The following GPR139 variants were observed in gnomAD, a reference collection of about 807,000 sequenced individuals.
GPR139 encodes the protein G protein-coupled receptor 139.
In GPR139, 12 loss-of-function variants were observed where a neutral mutation model predicts 25.8. The observed-to-expected ratio is 0.47, with a 90% CI of 0.30 to 0.75. The LOEUF is 0.75. GPR139 is among the 30% of genes least tolerant of loss of function. The pLI is 0.07. For synonymous variants in GPR139, 184 were observed against 179.9 expected (o/e 1.02, Z -0.18); for missense variants, 380 against 450.2 (o/e 0.84, Z 1.41).
rs1050954748 is a variant in GPR139, at chr16:20,073,087, G to A, written c.127+403C>T. Among the ~76,000 whole-genome samples the A allele has an allele frequency of 2.6e-4, 39 of 152,152 alleles. 1 individual carries two copies. Among genetic ancestry groups the A allele is most frequent in the Admixed American group, 2.4e-3 (37 of 15,272 alleles). Reference sequence around the variant, plus strand: ...TGGACGTGCAGGGGCCACGGGAGAAGGGAAGCCTCCACGAAGCCTTCTGTC... The same window carrying A: ...TGGACGTGCAGGGGCCACGGGAGAAAGGAAGCCTCCACGAAGCCTTCTGTC... On this transcript the variant is annotated intron_variant, in intron 1 of 1. Coordinates refer to ENST00000570682, the MANE Select transcript of GPR139 (RefSeq NM_001002911.4). The surrounding 1 kb of genome is among the most constrained non-coding windows in gnomAD (Gnocchi z 4.7).
rs537730436 is a variant in GPR139 at position 20,032,375 on chromosome 16, T to A, written c.422A>T (p.Tyr141Phe). Residue 141 changes from tyrosine (Y) to phenylalanine (F), a missense_variant, in exon 2 of 2, where the codon TAC becomes TTC. By Grantham distance (22) the Tyr-to-Phe change is conservative (BLOSUM62 3). Transcript: ENST00000570682. ...CHPLKYHTVS[Y>F]PARTRKVIVS... is the part of the protein sequence containing the mutation. The stretch of plus-strand genomic sequence containing the variant: ...AATGACTTTCCGGGTGCGGGCTGGG[T>A]ATGAGACCGTGTGGTACTTGAGCGG... 30 of 1,614,114 alleles carry A rather than the reference T, an allele frequency of 1.9e-5. 1 individual carries two copies. The South Asian group carries it at 2.9e-4, about 15-fold the overall frequency.
At position 20,029,486 on chromosome 16, in the gene GPR139, T is replaced by TAA. The variant is rs76533933; in HGVS notation, c.*2248_*2249insTT. Among the ~76,000 whole-genome samples, 203 of 120,398 alleles carry TAA rather than the reference T, an allele frequency of 1.7e-3. 1 individual carries two copies. Among genetic ancestry groups the TAA allele is most frequent in the South Asian group, 0.011 (40 of 3,666 alleles). 79.0% of individuals were successfully genotyped at this position (120,398 alleles called of 152,430 possible). A position where few individuals can be genotyped will look rare whatever the true frequency, so the allele number is the denominator to read the frequency against. On this transcript the variant is annotated 3_prime_UTR_variant, in exon 2 of 2. Transcript: ENST00000570682. The stretch of plus-strand genomic sequence containing the variant: ...CATGTTTAAAAAATAAATAAATAAA[T>TAA]ATATATATATATATATATTCAGTAT...
At chr16:20,042,285 C>A (rs1464105265) in intron 1 of GPR139, among the ~76,000 whole-genome samples, 1 of 152,186 alleles carries the variant, frequency 6.6e-6, no homozygotes, top group Non-Finnish European at 1.5e-5. Flanking sequence ...TTGGCTAGTT[C>A]AGTTCAGCAG....
In GPR139 at chr16:20,030,263, A is replaced by G. The variant is rs1324391748; in HGVS notation, c.*1472T>C. 6.6e-6 allele frequency among the ~76,000 whole-genome samples: 1 copy of G among 152,214 alleles called. No homozygotes were observed. The highest frequency in any genetic ancestry group is 1.5e-5 in the Non-Finnish European group (1 of 68,032). On this transcript the variant is annotated 3_prime_UTR_variant, in exon 2 of 2. Transcript: ENST00000570682. ...TCCAGCCTGAGGAACTAAATATTCCAGGTGGACTGTCTGCCGTTTTTTGGT... is the reference window on the plus strand; with the variant it reads ...TCCAGCCTGAGGAACTAAATATTCCGGGTGGACTGTCTGCCGTTTTTTGGT...
intron 1 of GPR139, among the ~76,000 whole-genome samples, chr16:20,038,369 G>GTGTGTGTGTGTGTGTGTGTGTA (rs4028367): frequency 7.5e-6 from 1 of 133,140 alleles, no homozygotes; most frequent in Admixed American, 7.5e-5. Flanking sequence ...GTGTGTGTGT[G>GTGTGTGTGTGTGTGTGTGTGTA]TATTCTATAG....
chr16:20,072,876 T>A (rs2057464703), intron 1 of GPR139, among the ~76,000 whole-genome samples: 1 of 152,172 alleles, frequency 6.6e-6, no homozygotes, highest in Non-Finnish European at 1.5e-5. Context: ...ACCCTTGCCC[T>A]GGCCAGGGCA....
chr16:20,056,765 C>T (rs971141700), intron 1 of GPR139, among the ~76,000 whole-genome samples: 3 of 152,156 alleles, frequency 2.0e-5, no homozygotes, highest in African/African-American at 7.2e-5. Context: ...AAGTACTCGA[C>T]TGAAATTGAG....
chr16:20,048,344 T>C (rs530506753), intron 1 of GPR139, among the ~76,000 whole-genome samples: 1 of 152,148 alleles, frequency 6.6e-6, no homozygotes, highest in Admixed American at 6.5e-5. Flanking sequence ...TCAACATAAA[T>C]TTAGTGATGC....
At chr16:20,033,202 G>T (rs1271794056) in intron 1 of GPR139, among the ~76,000 whole-genome samples, 1 of 149,910 alleles carries the variant, frequency 6.7e-6, no homozygotes, top group African/African-American at 2.5e-5. Flanking sequence ...CATGAGAGGT[G>T]ATGCCGCCAT....
At chr16:20,055,670 C>T (rs2057386412) in intron 1 of GPR139, among the ~76,000 whole-genome samples, 1 of 152,232 alleles carries the variant, frequency 6.6e-6, no homozygotes, top group Non-Finnish European at 1.5e-5. Flanking sequence ...TGTCTCCACC[C>T]CACATCTCCA....
intron 1 of GPR139, among the ~76,000 whole-genome samples, chr16:20,072,376 A>G (rs2057462752): frequency 6.6e-6 from 1 of 152,126 alleles, no homozygotes; most frequent in South Asian, 2.1e-4. Flanking sequence ...TCCAGCTCCC[A>G]AGTTCCCAGG....
In GPR139 at chr16:20,073,446, A is replaced by C. The variant is rs141976578; in HGVS notation, c.127+44T>G. 224 of 1,597,026 alleles carry C rather than the reference A, an allele frequency of 1.4e-4. 1 individual carries two copies. The East Asian group carries it at 5.1e-3, about 36-fold the overall frequency. ...GGGATTCTGGGTAGGGTTGCCCGGC[A>C]CTTGGGGTTCCTGGCTTCCCTCCCT... On this transcript the variant is annotated intron_variant, in intron 1 of 1. Coordinates refer to ENST00000570682, the MANE Select transcript of GPR139 (RefSeq NM_001002911.4). This position sits in a 1 kb window ranked among gnomAD's most constrained non-coding sequence, Gnocchi z 4.7.
chr16:20,046,881 C>T (rs1357429570), intron 1 of GPR139, among the ~76,000 whole-genome samples: 6 of 152,030 alleles, frequency 3.9e-5, no homozygotes, highest in Non-Finnish European at 8.8e-5. Context: ...CCAGTCTGGG[C>T]AACATAGTGA....
intron 1 of GPR139, among the ~76,000 whole-genome samples, chr16:20,061,008 T>C (rs974384368): frequency 2.3e-4 from 35 of 152,158 alleles, no homozygotes; most frequent in African/African-American, 8.4e-4. Flanking sequence ...CATGACTTTT[T>C]CTCAGTTGAA....
rs71146300 is a variant in GPR139, at chr16:20,073,252, T to TCACACACACA, written c.127+228_127+237dup. ...AGCCCATCGCCCGCCGTCACAGTCA[T>TCACACACACA]CACACACACACACACACACACACAC... On this transcript the variant is annotated intron_variant, in intron 1 of 1. Coordinates refer to ENST00000570682, the MANE Select transcript of GPR139 (RefSeq NM_001002911.4). The surrounding 1 kb of genome is among the most constrained non-coding windows in gnomAD (Gnocchi z 4.7). 5.0e-4 allele frequency among the ~76,000 whole-genome samples: 74 copies of TCACACACACA among 147,196 alleles called. No individual in the cohort carries two copies. The Middle Eastern group carries it at 0.011, about 21-fold the overall frequency.
chr16:20,070,376 A>G (rs2057455518), intron 1 of GPR139, among the ~76,000 whole-genome samples: 1 of 152,218 alleles, frequency 6.6e-6, no homozygotes, highest in African/African-American at 2.4e-5. Flanking sequence ...TATTTCATAT[A>G]TACCACCTGT....
rs2057279485 is a variant in GPR139, at chr16:20,029,488, T to TAA, written c.*2246_*2247insTT. On this transcript the variant is annotated 3_prime_UTR_variant, in exon 2 of 2. Transcript: ENST00000570682. ...TGTTTAAAAAATAAATAAATAAATA[T>TAA]ATATATATATATATATTCAGTATAG... Among the ~76,000 whole-genome samples, 63 of 70,864 alleles carry TAA rather than the reference T, an allele frequency of 8.9e-4. No individual in the cohort carries two copies. The highest frequency in any genetic ancestry group is 1.5e-3 in the Non-Finnish European group (39 of 25,366). The allele number at this position is 70,864 out of a possible 152,430, so 46.5% of individuals were successfully genotyped here.
intron 1 of GPR139, among the ~76,000 whole-genome samples, chr16:20,034,938 T>G (rs1283003839): frequency 6.6e-6 from 1 of 152,162 alleles, no homozygotes; most frequent in Non-Finnish European, 1.5e-5. Flanking sequence ...TAAACCAAAG[T>G]TAATATCTTG....
chr16:20,073,794 G>T lies in GPR139; in HGVS notation c.-178C>A, dbSNP rs924367531. On this transcript the variant is annotated 5_prime_UTR_variant, in exon 1 of 2. Coordinates refer to ENST00000570682, the MANE Select transcript of GPR139 (RefSeq NM_001002911.4). This position sits in a 1 kb window ranked among gnomAD's most constrained non-coding sequence, Gnocchi z 4.7. ...CCCTCTGCTCGCTCCGCACCTGCCC[G>T]CCTGGAGTCTTGGCTCAGCCCTCCC... 3 of 781,786 alleles carry T rather than the reference G, an allele frequency of 3.8e-6. No individual in the cohort carries two copies. The highest frequency in any genetic ancestry group is 3.7e-5 in the Admixed American group (1 of 26,922). The allele number at this position is 781,786 out of a possible 1,614,324, so 48.4% of individuals were successfully genotyped here.
Sources: allele counts gnomAD v4.1 joint callset (sites outside exome capture counted in the v4.1 genomes callset), GRCh38; gene constraint gnomAD v4.1.1; non-coding constraint Gnocchi (gnomAD v3.1); transcripts MANE v1.5; gene names NCBI Gene and HGNC (gene_info 2026-07-23, HGNC 2026-07-21).